Variants in KANSL1L observed in about 807,000 individuals in gnomAD.
The protein encoded by KANSL1L is KAT8 regulatory NSL complex subunit 1 like.
Under a neutral mutation model 108.6 loss-of-function variants are expected in KANSL1L, and 25 were observed. The ratio of observed to expected loss-of-function variants is 0.23; its 90% CI spans 0.17 to 0.32. The LOEUF (loss-of-function observed/expected upper bound fraction) is 0.32, where lower values mean the gene tolerates loss of function less well. Among genes scored for constraint, KANSL1L ranks in the 10% least tolerant of loss-of-function variants. The pLI is 1.00. For synonymous variants in KANSL1L, 405 were observed against 395.1 expected (o/e 1.03, Z -0.30); for missense variants, 1,137 against 1,125.7 (o/e 1.01, Z -0.14).
intron 6 of KANSL1L, among the ~76,000 whole-genome samples, chr2:210,071,377 C>T (rs950979048): frequency 6.6e-6 from 1 of 151,936 alleles, no homozygotes; most frequent in Non-Finnish European, 1.5e-5. Flanking sequence ...AAGCGATTCT[C>T]ATGCTTCAGC....
chr2:210,134,661 G>C (rs2095157845), intron 2 of KANSL1L, among the ~76,000 whole-genome samples: 1 of 152,132 alleles, frequency 6.6e-6, no homozygotes, highest in Non-Finnish European at 1.5e-5. Flanking sequence ...GGGAGAGGTG[G>C]ATAGTCTGAG....
chr2:210,079,698 G>GTATATATATATATATA lies in KANSL1L; in HGVS notation c.1551-3943_1551-3942insTATATATATATATATA, dbSNP rs1185390630. The GTATATATATATATATA allele has an allele frequency of 9.9e-4, 22 of 22,200 alleles. 1 individual carries two copies. Among genetic ancestry groups the GTATATATATATATATA allele is most frequent in the African/African-American group, 1.7e-3 (14 of 8,212 alleles). The allele number at this position is 22,200 out of a possible 1,614,324, so 1.4% of individuals were successfully genotyped here. ...TGTATATATATATATATATGTATGTGTGTATATATATATATATATATATAT... is the reference window on the plus strand; with the variant it reads ...TGTATATATATATATATATGTATGTGTATATATATATATATATGTATATATATATATATATATATAT... On this transcript the variant is annotated intron_variant, in intron 5 of 14. Transcript: ENST00000281772.
At chr2:210,058,244 C>T (rs560190710) in intron 6 of KANSL1L, among the ~76,000 whole-genome samples, 2 of 152,150 alleles carry the variant, frequency 1.3e-5, no homozygotes, top group Non-Finnish European at 2.9e-5. Flanking sequence ...ATGAAATAAG[C>T]CCCAGTCTCC....
intron 2 of KANSL1L, among the ~76,000 whole-genome samples, chr2:210,134,233 A>G (rs1453073762): frequency 6.6e-6 from 1 of 152,046 alleles, no homozygotes; most frequent in Non-Finnish European, 1.5e-5. Context: ...TGAACGTTCA[A>G]TGGTTCTTTA....
intron 3 of KANSL1L, among the ~76,000 whole-genome samples, chr2:210,107,534 ATTTTTT>A (rs71395572): frequency 3.4e-5 from 4 of 117,608 alleles, no homozygotes; most frequent in African/African-American, 1.1e-4. Context: ...ATATATATAT[ATTTTTT>A]TTTTTTGAGA....
At chr2:210,097,952 A>G (rs756150410) in intron 5 of KANSL1L, 134 bp downstream of exon 5, 1 of 523,142 alleles carries the variant, frequency 1.9e-6, no homozygotes, top group Non-Finnish European at 3.3e-6. Flanking sequence ...CATCCATGGT[A>G]TATTGATTGT....
chr2:210,143,978 A>C (rs946263253), intron 2 of KANSL1L, among the ~76,000 whole-genome samples: 1 of 152,184 alleles, frequency 6.6e-6, no homozygotes, highest in African/African-American at 2.4e-5. Context: ...TTCAGCCTGA[A>C]GAATTCCCTT....
At chr2:210,025,859 T>C (rs1220824232) in intron 12 of KANSL1L, among the ~76,000 whole-genome samples, 1 of 152,190 alleles carries the variant, frequency 6.6e-6, no homozygotes, top group Non-Finnish European at 1.5e-5. Flanking sequence ...TTGTTTCCTA[T>C]TGGTTCATAT....
intron 6 of KANSL1L, among the ~76,000 whole-genome samples, chr2:210,047,186 C>CA (rs1157923346): frequency 6.6e-6 from 1 of 152,198 alleles, no homozygotes; most frequent in African/African-American, 2.4e-5. Context: ...GCTCCTTGGC[C>CA]ATACCCTCAG....
intron 2 of KANSL1L, among the ~76,000 whole-genome samples, chr2:210,145,343 T>C (rs559790245): frequency 6.4e-4 from 98 of 152,292 alleles, no homozygotes; most frequent in African/African-American, 2.1e-3. Flanking sequence ...AGCATGAGCA[T>C]GTGTAGGAAC....
At chr2:210,089,943 A>C (rs920948323) in intron 5 of KANSL1L, among the ~76,000 whole-genome samples, 2 of 151,914 alleles carry the variant, frequency 1.3e-5, no homozygotes, top group Admixed American at 1.3e-4. Context: ...CAGCTGGCCT[A>C]CTGTGCCATC....
At chr2:210,102,803 C>G (rs988715023) in intron 4 of KANSL1L, among the ~76,000 whole-genome samples, 8 of 151,984 alleles carry the variant, frequency 5.3e-5, no homozygotes, top group African/African-American at 1.9e-4. Flanking sequence ...TGATCATTAA[C>G]AAGTCAGGAA....
At chr2:210,079,666 G>GTGTATATATATATATATATATA (rs1559539831) in intron 5 of KANSL1L, 3 of 18,412 alleles carry the variant, frequency 1.6e-4, no homozygotes, top group Non-Finnish European at 2.7e-4. Context: ...ATATATATAT[G>GTGTATATATATATATATATATA]TATGTGTGTA....
upstream of KANSL1L, chr2:210,171,524 C>T (rs1406264701): frequency 6.5e-6 from 1 of 153,446 alleles, no homozygotes; most frequent in Non-Finnish European, 1.4e-5. Context: ...GCAGAAGCGG[C>T]TCGGAGTGTT....
At position 210,154,040 on chromosome 2, in the gene KANSL1L, A is replaced by C. The variant is rs759050552; in HGVS notation, c.543T>G (p.Asp181Glu). 3 of 1,613,914 alleles carry C rather than the reference A, an allele frequency of 1.9e-6. No homozygotes were observed. Among genetic ancestry groups the C allele is most frequent in the Non-Finnish European group, 2.5e-6 (3 of 1,179,924 alleles). The change falls in exon 2 of 15, where the codon GAT becomes GAG. Residue 181 changes from aspartate to glutamate, a missense_variant. Transcript: ENST00000281772. ...CKWYQENALL[D>E]KVTDAEIKKG... ...TTTTAATCTCAGCATCAGTAACTTT[A>C]TCCAAAAGTGCATTCTCTTGATACC...
chr2:210,172,620 A>G (rs535480585), upstream of KANSL1L, among the ~76,000 whole-genome samples: 1 of 152,366 alleles, frequency 6.6e-6, no homozygotes, highest in East Asian at 1.9e-4. Context: ...TAGGAAATTG[A>G]TTTACTTTCA....
chr2:210,098,743 G>C (rs1426927652), intron 4 of KANSL1L, among the ~76,000 whole-genome samples: 6 of 151,920 alleles, frequency 3.9e-5, no homozygotes, highest in African/African-American at 1.4e-4. Flanking sequence ...GTATGAAATA[G>C]AACTAGGATT....
intron 1 of KANSL1L, among the ~76,000 whole-genome samples, chr2:210,161,038 G>A (rs139892330): frequency 0.016 from 2,457 of 150,126 alleles, 72 homozygotes; most frequent in African/African-American, 0.058. Flanking sequence ...GCCCAGGCTG[G>A]AGTGCAATGG....
intron 5 of KANSL1L, among the ~76,000 whole-genome samples, chr2:210,096,138 T>G (rs2094733754): frequency 6.6e-6 from 1 of 152,160 alleles, no homozygotes; most frequent in Admixed American, 6.5e-5. Flanking sequence ...ATTCAGTAGC[T>G]GATTCCAACA....
Sources: allele counts gnomAD v4.1 joint callset (sites outside exome capture counted in the v4.1 genomes callset), GRCh38; gene constraint gnomAD v4.1.1; transcripts MANE v1.5; gene names NCBI Gene and HGNC (gene_info 2026-07-23, HGNC 2026-07-21).